The following SH3RF3 variants were observed in gnomAD, a reference collection of about 807,000 sequenced individuals.
The protein encoded by SH3RF3 is SH3 domain containing ring finger 3.
In SH3RF3, 29 loss-of-function variants were observed where a neutral mutation model predicts 66.3. The observed-to-expected ratio is 0.44, with a 90% confidence interval of 0.33 to 0.60. The LOEUF is 0.60. SH3RF3 is among the 20% of genes least tolerant of loss of function. The pLI is 0.04. For synonymous variants in SH3RF3, 583 were observed against 532.0 expected, an observed-to-expected ratio of 1.10 and a Z score of -1.32; for missense variants, 1,194 against 1,190.9, an observed-to-expected ratio of 1.00 and a Z score of -0.04.
chr2:109,261,514 T>C (rs1477502791), intron 1 of SH3RF3, among the ~76,000 whole-genome samples: 1 of 152,122 alleles, frequency 6.6e-6, no homozygotes, highest in African/African-American at 2.4e-5. Flanking sequence ...CCCACCTGTG[T>C]GTGCAGCAGC....
chr2:109,301,302 A>C (rs931791465), intron 1 of SH3RF3, among the ~76,000 whole-genome samples: 1 of 142,312 alleles, frequency 7.0e-6, no homozygotes, highest in Non-Finnish European at 1.5e-5. Flanking sequence ...CTGTGTGTGT[A>C]TGTGGTGGGG....
intron 1 of SH3RF3, among the ~76,000 whole-genome samples, chr2:109,223,663 T>C (rs1394049374): frequency 6.6e-6 from 1 of 152,094 alleles, no homozygotes; most frequent in Non-Finnish European, 1.5e-5. Context: ...TCTCCATGGC[T>C]CTCCCCTGAA....
chr2:109,273,724 A>G (rs1680679779), intron 1 of SH3RF3, among the ~76,000 whole-genome samples: 1 of 152,350 alleles, frequency 6.6e-6, no homozygotes, highest in South Asian at 2.1e-4. Context: ...GTTGCAGGGT[A>G]GGAGTCACAT....
At chr2:109,352,630 G>A (rs550026589) in intron 2 of SH3RF3, among the ~76,000 whole-genome samples, 8 of 152,310 alleles carry the variant, frequency 5.3e-5, no homozygotes, top group Admixed American at 2.6e-4. Flanking sequence ...TGGGCACCCC[G>A]CTTGGGCTAC....
At chr2:109,342,040 G>A (rs985568671) in intron 1 of SH3RF3, among the ~76,000 whole-genome samples, 5 of 152,228 alleles carry the variant, frequency 3.3e-5, no homozygotes, top group African/African-American at 1.2e-4. Flanking sequence ...GCCTATGGAC[G>A]AATGTGTTCA....
At chr2:109,371,347 G>A (rs1211411416) in intron 2 of SH3RF3, among the ~76,000 whole-genome samples, 1 of 152,172 alleles carries the variant, frequency 6.6e-6, no homozygotes, top group African/African-American at 2.4e-5. Flanking sequence ...CGGAGATTGC[G>A]CCACTGCACT....
At chr2:109,267,978 GT>G (rs1680537645) in intron 1 of SH3RF3, among the ~76,000 whole-genome samples, 1 of 152,004 alleles carries the variant, frequency 6.6e-6, no homozygotes, top group African/African-American at 2.4e-5. Flanking sequence ...CCCTGCTGCA[GT>G]TGTGCGGGTG....
At chr2:109,199,597 T>TCAAC (rs1558953918) in intron 1 of SH3RF3, among the ~76,000 whole-genome samples, 2 of 274 alleles carry the variant, frequency 7.3e-3, no homozygotes, top group Admixed American at 0.036. Flanking sequence ...TGGAATGGAA[T>TCAAC]GGAATGGAAT....
chr2:109,361,169 T>C (rs531969617), intron 2 of SH3RF3, among the ~76,000 whole-genome samples: 3 of 152,358 alleles, frequency 2.0e-5, no homozygotes, highest in African/African-American at 4.8e-5. Context: ...ATACCTGGGA[T>C]AAATTCCACT....
At chr2:109,356,424 G>A (rs1210304141) in intron 2 of SH3RF3, among the ~76,000 whole-genome samples, 1 of 152,196 alleles carries the variant, frequency 6.6e-6, no homozygotes, top group African/African-American at 2.4e-5. Context: ...AGGGTCCACT[G>A]CTCATTCACT....
intron 1 of SH3RF3, among the ~76,000 whole-genome samples, chr2:109,155,366 T>A (rs1356790057): frequency 1.3e-5 from 2 of 152,200 alleles, no homozygotes; most frequent in African/African-American, 4.8e-5. Context: ...AGTGGTGGGA[T>A]CTTGGCTCAC....
intron 9 of SH3RF3, among the ~76,000 whole-genome samples, chr2:109,493,154 CACAT>C (rs1679175807): frequency 1.5e-5 from 2 of 130,560 alleles, no homozygotes; most frequent in African/African-American, 5.7e-5. Context: ...TCATACAAAA[CACAT>C]ACACCACACA....
rs183321059 is a variant in SH3RF3, at chr2:109,338,531, C to T, written c.574-9143C>T. Among the ~76,000 whole-genome samples the T allele has an allele frequency of 1.8e-4, 28 of 152,198 alleles. No individual in the cohort carries two copies. The East Asian group carries it at 3.1e-3, about 17-fold the overall frequency. On this transcript the variant is annotated intron_variant, in intron 1 of 9. Transcript: ENST00000309415. The stretch of plus-strand genomic sequence containing the variant: ...ATGCAGGAGTTAGGGCAACAACCCC[C>T]GGCACAGTCAAAAACCTGTGTGTAA...
chr2:109,224,601 T>A (rs1033493357), intron 1 of SH3RF3, among the ~76,000 whole-genome samples: 1 of 152,182 alleles, frequency 6.6e-6, no homozygotes, highest in African/African-American at 2.4e-5. Context: ...CTCACACCTG[T>A]AATCCCGGCA....
intron 1 of SH3RF3, among the ~76,000 whole-genome samples, chr2:109,142,500 C>A (rs1003172202): frequency 6.6e-6 from 1 of 152,178 alleles, no homozygotes; most frequent in Non-Finnish European, 1.5e-5. Context: ...GCACAGCGGC[C>A]GAGAGTGAGG....
intron 8 of SH3RF3, among the ~76,000 whole-genome samples, chr2:109,477,563 A>G (rs918019049): frequency 6.6e-6 from 1 of 152,162 alleles, no homozygotes; most frequent in Admixed American, 6.5e-5. Context: ...GACTGGGGTC[A>G]CAGCGCCTGT....
chr2:109,371,257 G>A (rs2105680926), intron 2 of SH3RF3, among the ~76,000 whole-genome samples: 1 of 152,338 alleles, frequency 6.6e-6, no homozygotes, highest in East Asian at 1.9e-4. Flanking sequence ...GGGTGTGGTG[G>A]CACACGCCTG....
intron 1 of SH3RF3, among the ~76,000 whole-genome samples, chr2:109,266,475 G>A (rs1346517553): frequency 6.6e-6 from 1 of 152,186 alleles, no homozygotes; most frequent in Non-Finnish European, 1.5e-5. Flanking sequence ...AGTGGTCCCA[G>A]AACGGTATCC....
Position 109,490,918 on chromosome 2 carries a change from A to C in SH3RF3, c.2462A>C (p.Lys821Thr). The stretch of plus-strand genomic sequence containing the variant: ...ATGGCTGCCATCCGCCCCGAGCCCA[A>C]GCTGTTGCCCAGAGAGAGGTAAGTG... ...LSMAAIRPEP[K>T]LLPRERYRVV... Residue 821 changes from lysine (K) to threonine (T), a missense_variant, in exon 9 of 10, where the codon AAG becomes ACG. By Grantham distance (78) the Lys-to-Thr change is moderately conservative (BLOSUM62 -1). Transcript: ENST00000309415. The C allele has an allele frequency of 6.6e-7, 1 of 1,506,280 alleles. No individual in the cohort carries two copies. The highest frequency in any genetic ancestry group is 1.3e-5 in the South Asian group (1 of 79,624). The allele number at this position is 1,506,280 out of a possible 1,614,324, so 93.3% of individuals were successfully genotyped here. A position where few individuals can be genotyped will look rare whatever the true frequency, so the allele number is the denominator to read the frequency against.
Sources: allele counts gnomAD v4.1 joint callset (sites outside exome capture counted in the v4.1 genomes callset), GRCh38; gene constraint gnomAD v4.1.1; transcripts MANE v1.5; gene names NCBI Gene and HGNC (gene_info 2026-07-23, HGNC 2026-07-21).